The following PPFIA4 variants were observed in gnomAD, a reference collection of about 807,000 sequenced individuals.
The protein encoded by PPFIA4 is liprin-alpha-4.
Under a neutral mutation model 145.7 loss-of-function variants are expected in PPFIA4, and 98 were observed. The observed-to-expected ratio is 0.67, with a 90% CI of 0.57 to 0.80. The LOEUF is 0.80. Among genes scored for constraint, PPFIA4 ranks in the 30% least tolerant of loss-of-function variants. The probability of loss-of-function intolerance (pLI) is 0.00; values close to 1 mark genes in which losing one functional copy is unlikely to be tolerated. For synonymous variants in PPFIA4, 628 were observed against 649.6 expected (o/e 0.97, Z 0.51); for missense variants, 1,457 against 1,632.7 (o/e 0.89, Z 1.85).
Position 203,043,473 on chromosome 1 carries a change from T to G in PPFIA4, c.311T>G (p.Leu104Arg), listed in dbSNP as rs1282066771. The change falls in exon 3 of 30, where the codon CTG becomes CGG. Residue 104 changes from leucine (L) to arginine (R), a missense_variant. Coordinates refer to ENST00000295706, the MANE Select transcript of PPFIA4 (RefSeq NM_001304331.2). This position sits in a 1 kb window ranked among gnomAD's most constrained non-coding sequence, Gnocchi z 4.4. Reference sequence around the variant, plus strand: ...GAGCGGGAGGAAGAGATATCAGAACTGAAAGCAGAACGGAATAACACACGG... The same window carrying G: ...GAGCGGGAGGAAGAGATATCAGAACGGAAAGCAGAACGGAATAACACACGG... ...LLEREEEISE[L>R]KAERNNTRLL... 1.2e-6 allele frequency: 2 copies of G among 1,610,646 alleles called. No individual in the cohort carries two copies. The highest frequency in any genetic ancestry group is 1.3e-5 in the African/African-American group (1 of 74,882).
rs185553598 is a variant in PPFIA4, at chr1:203,036,054, A to G, written c.-399-2556A>G. Among the ~76,000 whole-genome samples, 873 of 152,338 alleles carry G rather than the reference A, an allele frequency of 5.7e-3. 8 individuals are homozygous for G. Among genetic ancestry groups the G allele is most frequent in the Non-Finnish European group, 6.9e-3 (472 of 68,020 alleles). ...GGAGGCCAAGTTGGACCAGATAGCCAGTACCTCACAGTGGGCAGCCTGAGG... is the reference window on the plus strand; with the variant it reads ...GGAGGCCAAGTTGGACCAGATAGCCGGTACCTCACAGTGGGCAGCCTGAGG... On this transcript the variant is annotated intron_variant, in intron 1 of 29. Coordinates refer to ENST00000295706, the MANE Select transcript of PPFIA4 (RefSeq NM_001304331.2).
chr1:203,035,851 TC>T (rs1659214829), intron 1 of PPFIA4, among the ~76,000 whole-genome samples: 1 of 27,586 alleles, frequency 3.6e-5, no homozygotes, highest in South Asian at 0.031. Flanking sequence ...CTCAGGGGCA[TC>T]TTGCCTGGCA....
At chr1:203,040,371 C>T (rs72754764) in intron 2 of PPFIA4, among the ~76,000 whole-genome samples, 6 of 152,328 alleles carry the variant, frequency 3.9e-5, no homozygotes, top group African/African-American at 9.6e-5. Context: ...CAAGCCTCAG[C>T]GCCAGGCCCT....
chr1:203,044,246 C>T (rs769669134), intron 4 of PPFIA4, 133 bp from the exon 5 acceptor site: 5 of 1,166,782 alleles, frequency 4.3e-6, no homozygotes, highest in Non-Finnish European at 6.0e-6. Context: ...GTTAGGCTCC[C>T]TCCTGCAAAT....
rs74735562 is a variant in PPFIA4, at chr1:203,057,203, T to G, written c.2407+253T>G. On this transcript the variant is annotated intron_variant, in intron 19 of 29. Coordinates refer to ENST00000295706, the MANE Select transcript of PPFIA4 (RefSeq NM_001304331.2). ...CTGGATGGCTTTATTTGGCATGCTG[T>G]GGAAAGGTCTCCTGTATTGAGTGAA... 9.1e-3 allele frequency among the ~76,000 whole-genome samples: 1,388 copies of G among 152,360 alleles called. 58 individuals carry two copies. Among genetic ancestry groups the G allele is most frequent in the Admixed American group, 0.066 (1,007 of 15,308 alleles).
chr1:203,056,648 A>G (rs1660975799), intron 18 of PPFIA4, 136 bp from the exon 19 acceptor site: 1 of 1,326,530 alleles, frequency 7.5e-7, no homozygotes, highest in Non-Finnish European at 1.0e-6. Flanking sequence ...CAGGGAAGGG[A>G]GTTCATGTGT....
rs57027876 is a variant in PPFIA4, at chr1:203,054,671, GACACAC to G, written c.1830-735_1830-730del. ...TATTGCACAGACCAGTTACAAAGAA[GACACAC>G]ACACACACACACACACACACACACA... On this transcript the variant is annotated intron_variant, in intron 15 of 29. Coordinates refer to ENST00000295706, the MANE Select transcript of PPFIA4 (RefSeq NM_001304331.2). Among the ~76,000 whole-genome samples the G allele has an allele frequency of 6.8e-4, 101 of 148,338 alleles. 1 individual carries two copies. The highest frequency in any genetic ancestry group is 1.3e-3 in the African/African-American group (53 of 40,336).
intron 1 of PPFIA4, among the ~76,000 whole-genome samples, chr1:203,036,330 G>A (rs1237687399): frequency 1.3e-5 from 2 of 152,186 alleles, no homozygotes; most frequent in African/African-American, 4.8e-5. Flanking sequence ...CTGGTCTGTG[G>A]CAGGACTGTA....
chr1:203,053,812 C>A lies in PPFIA4; in HGVS notation c.1680C>A (p.Asp560Glu), dbSNP rs774875709. 29 of 1,553,144 alleles carry A rather than the reference C, an allele frequency of 1.9e-5. No individual in the cohort carries two copies. The highest frequency in any genetic ancestry group is 2.3e-5 in the Non-Finnish European group (26 of 1,147,926). Residue 560 changes from aspartate (D) to glutamate (E), a missense_variant, in exon 15 of 30, where the codon GAC becomes GAA. Coordinates refer to ENST00000295706, the MANE Select transcript of PPFIA4 (RefSeq NM_001304331.2). ...CCCCGGCAGCTGGCCCTGCCTTTGA[C>A]AGTGACCCTGAGATCTCCGACGTGG... ...MLAPAAGPAF[D>E]SDPEISDVDE...
chr1:203,058,225 G>A (rs756920126), intron 19 of PPFIA4, among the ~76,000 whole-genome samples: 2 of 152,082 alleles, frequency 1.3e-5, no homozygotes, highest in South Asian at 2.1e-4. Flanking sequence ...GGGAGAGCAC[G>A]CGAGGAGGAG....
At chr1:203,030,174 G>A (rs1423477301) in intron 1 of PPFIA4, among the ~76,000 whole-genome samples, 3 of 152,148 alleles carry the variant, frequency 2.0e-5, no homozygotes, top group Admixed American at 6.5e-5. Flanking sequence ...TGTTCCTGAA[G>A]GATAATCAAG....
chr1:203,048,135 A>G lies in PPFIA4; in HGVS notation c.1141-92A>G, dbSNP rs941525287. The G allele has an allele frequency of 2.4e-6, 3 of 1,230,480 alleles. No homozygotes were observed. The African/African-American group carries it at 4.5e-5, about 18-fold the overall frequency. The allele number at this position is 1,230,480 out of a possible 1,614,324, so 76.2% of individuals were successfully genotyped here. On this transcript the variant is annotated intron_variant, in intron 9 of 29. Transcript: ENST00000295706. The surrounding 1 kb of genome is among the most constrained non-coding windows in gnomAD (Gnocchi z 5.8). ...ACTGGTACTGGGGGCCATGATCCCC[A>G]GGGCCACCCTGGCACCAGGGTGCAG...
chr1:203,038,349 A>C, intron 1 of PPFIA4, among the ~76,000 whole-genome samples: 1 of 152,170 alleles, frequency 6.6e-6, no homozygotes, highest in Non-Finnish European at 1.5e-5. Flanking sequence ...CCACGTGGGT[A>C]GGGGAACCAC....
At chr1:203,041,485 G>A (rs1361269044) in intron 2 of PPFIA4, among the ~76,000 whole-genome samples, 3 of 152,184 alleles carry the variant, frequency 2.0e-5, no homozygotes, top group East Asian at 1.9e-4. Context: ...CCAGCTACTC[G>A]TGGGGCTGAG....
At position 203,053,894 on chromosome 1, in the gene PPFIA4, C is replaced by T. The variant is rs779231240; in HGVS notation, c.1762C>T (p.His588Tyr). The T allele has an allele frequency of 1.3e-6, 2 of 1,565,314 alleles. No individual in the cohort carries two copies. Among genetic ancestry groups the T allele is most frequent in the East Asian group, 2.4e-5 (1 of 42,004 alleles). ...TGCGGATGTTGTCTCCCCCAGCGGC[C>T]ACTCAGATGCCCAGACCCTGGCCAT... ...GSADVVSPSG[H>Y]SDAQTLAMML... The change falls in exon 15 of 30, where the codon CAC becomes TAC. Residue 588 changes from histidine to tyrosine, a missense_variant. Transcript: ENST00000295706.
At chr1:203,047,324 G>A (rs542138190) in intron 9 of PPFIA4, among the ~76,000 whole-genome samples, 1 of 152,268 alleles carries the variant, frequency 6.6e-6, no homozygotes, top group South Asian at 2.1e-4. Context: ...GGAGTTAGAC[G>A]GGATGGTCTC....
In PPFIA4 at chr1:203,076,375, C is replaced by T. The variant is rs1172529812; in HGVS notation, c.3609C>T (p.Ser1203=). The change falls in exon 30 of 30, where the codon TCC becomes TCT. Residue 1203 remains serine (S), a synonymous_variant. Coordinates refer to ENST00000295706, the MANE Select transcript of PPFIA4 (RefSeq NM_001304331.2). ...HSHYLYGHML[S]AFRD ...ACTATCTCTACGGACACATGCTCTC[C>T]GCCTTCCGGGACTAGCCATGGCCCC... is the stretch of plus-strand genomic sequence containing the variant. 2 of 1,608,230 alleles carry T rather than the reference C, an allele frequency of 1.2e-6. No homozygotes were observed. Among genetic ancestry groups the T allele is most frequent in the Admixed American group, 1.7e-5 (1 of 60,014 alleles).
intron 4 of PPFIA4, 21 bp from the exon 5 acceptor site, chr1:203,044,358 A>G: frequency 6.5e-7 from 1 of 1,548,596 alleles, no homozygotes; most frequent in East Asian, 2.4e-5. Context: ...TTCTTCCTCC[A>G]TCTCCCCTTA....
chr1:203,073,403 G>A (rs961147620), intron 28 of PPFIA4, among the ~76,000 whole-genome samples: 1 of 152,204 alleles, frequency 6.6e-6, no homozygotes, highest in African/African-American at 2.4e-5. Context: ...ACATAGAGCT[G>A]TGCAGTGGAG....
Sources: allele counts gnomAD v4.1 joint callset (sites outside exome capture counted in the v4.1 genomes callset), GRCh38; gene constraint gnomAD v4.1.1; non-coding constraint Gnocchi (gnomAD v3.1); transcripts MANE v1.5; gene names NCBI Gene and HGNC (gene_info 2026-07-23, HGNC 2026-07-21).